Variants in FGF14 observed in about 807,000 individuals in gnomAD.
FGF14 encodes fibroblast growth factor homologous factor 4.
Under a neutral mutation model 25.5 loss-of-function variants are expected in FGF14, and 5 were observed. The observed-to-expected ratio is 0.20, with a 90% CI of 0.10 to 0.41. FGF14 has a LOEUF of 0.41. FGF14 is among the 10% of genes least tolerant of loss of function. FGF14 has a pLI of 1.00. For missense variants in FGF14, 222 were observed against 320.1 expected, an observed-to-expected ratio of 0.69 and a Z score of 2.34; for synonymous variants, 138 against 118.3, an observed-to-expected ratio of 1.17 and a Z score of -1.08.
At chr13:102,031,711 C>A (rs1480516082) in intron 1 of FGF14, among the ~76,000 whole-genome samples, 1 of 150,820 alleles carries the variant, frequency 6.6e-6, no homozygotes. Context: ...TCATTTTGGA[C>A]CTTTGAAGAG....
chr13:101,930,281 C>T (rs1211771751), intron 1 of FGF14, among the ~76,000 whole-genome samples: 1 of 152,074 alleles, frequency 6.6e-6, no homozygotes, highest in African/African-American at 2.4e-5. Context: ...TTCAGTATAG[C>T]TTTTTAGAGA....
At chr13:102,125,096 A>G (rs1478066840) in intron 1 of FGF14, among the ~76,000 whole-genome samples, 1 of 152,108 alleles carries the variant, frequency 6.6e-6, no homozygotes, top group African/African-American at 2.4e-5. Flanking sequence ...AAAACTTTAA[A>G]CTGTGGATTG....
chr13:102,364,669 CT>C (rs1449994343), intron 1 of FGF14, among the ~76,000 whole-genome samples: 2 of 152,132 alleles, frequency 1.3e-5, no homozygotes, highest in Admixed American at 1.3e-4. Context: ...AGAGACAGAC[CT>C]TGATGACAAA....
intron 3 of FGF14, among the ~76,000 whole-genome samples, chr13:101,841,427 T>C (rs772804993): frequency 2.1e-4 from 32 of 151,950 alleles, no homozygotes; most frequent in Admixed American, 2.0e-3. Context: ...CAAAGAAACT[T>C]TGAGTTAGCC....
At position 101,715,328 on chromosome 13, in the gene FGF14, ATGG is replaced by A. The variant is rs1396602541; in HGVS notation, c.*7500_*7502del. 2.5e-5 allele frequency: 12 copies of A among 488,078 alleles called. No homozygotes were observed. In the East Asian group the frequency reaches 3.5e-4, roughly 14 times the overall value. The allele number at this position is 488,078 out of a possible 1,614,324, so 30.2% of individuals were successfully genotyped here. On this transcript the variant is annotated 3_prime_UTR_variant, in exon 5 of 5. Transcript: ENST00000376143. ...AAAAGCCTAGCTGGAGTGATACAGG[ATGG>A]TGACTATCTGATCGGTAAAGGGTGG...
At chr13:101,978,231 T>C (rs527840628) in intron 1 of FGF14, among the ~76,000 whole-genome samples, 1 of 152,364 alleles carries the variant, frequency 6.6e-6, no homozygotes, top group African/African-American at 2.4e-5. Context: ...AAAGCAAAAT[T>C]TCCTAGCTGT....
intron 1 of FGF14, among the ~76,000 whole-genome samples, chr13:101,973,418 A>G (rs1398919661): frequency 6.6e-6 from 1 of 152,076 alleles, no homozygotes; most frequent in Non-Finnish European, 1.5e-5. Flanking sequence ...TCCCTTTTAC[A>G]CTGGATGAAC....
intron 1 of FGF14, among the ~76,000 whole-genome samples, chr13:102,036,342 G>A (rs751455016): frequency 6.6e-6 from 1 of 152,104 alleles, no homozygotes; most frequent in South Asian, 2.1e-4. Flanking sequence ...CCTACAATGT[G>A]CTAAGCAGGA....
At chr13:102,190,196 C>T (rs1401483446) in intron 1 of FGF14, among the ~76,000 whole-genome samples, 1 of 152,172 alleles carries the variant, frequency 6.6e-6, no homozygotes, top group Non-Finnish European at 1.5e-5. Context: ...CTCATACCTC[C>T]CTGGCTTGAA....
chr13:102,236,170 C>A (rs1043970990), intron 1 of FGF14, among the ~76,000 whole-genome samples: 3 of 152,148 alleles, frequency 2.0e-5, no homozygotes, highest in Non-Finnish European at 4.4e-5. Flanking sequence ...ATGCCCTGCT[C>A]TGTCTATTCT....
intron 1 of FGF14, among the ~76,000 whole-genome samples, chr13:102,048,554 A>G (rs1190111584): frequency 1.3e-5 from 2 of 152,180 alleles, no homozygotes; most frequent in Non-Finnish European, 2.9e-5. Flanking sequence ...GACAGATCTG[A>G]AAGTCTTCCA....
At chr13:102,146,498 A>C (rs1192863894) in intron 1 of FGF14, among the ~76,000 whole-genome samples, 1 of 152,214 alleles carries the variant, frequency 6.6e-6, no homozygotes, top group Non-Finnish European at 1.5e-5. Context: ...AATACTTTTG[A>C]AGCTGCCTTT....
chr13:101,790,790 A>G (rs370883972), intron 3 of FGF14, among the ~76,000 whole-genome samples: 1 of 152,234 alleles, frequency 6.6e-6, no homozygotes. Context: ...TTTTGATGCA[A>G]CTTGATCTTG....
chr13:102,171,759 C>T (rs927367942), intron 1 of FGF14, among the ~76,000 whole-genome samples: 1 of 151,900 alleles, frequency 6.6e-6, no homozygotes. Context: ...ATTTTTAATG[C>T]CAGTATTTTT....
intron 3 of FGF14, among the ~76,000 whole-genome samples, chr13:101,766,494 A>G (rs9518523): frequency 0.41 from 62,441 of 151,960 alleles, 14,425 homozygotes; most frequent in Non-Finnish European, 0.52. Context: ...GACAGAAGGG[A>G]GCAAAACAGG....
At chr13:101,973,343 T>C (rs2037728682) in intron 1 of FGF14, among the ~76,000 whole-genome samples, 1 of 152,198 alleles carries the variant, frequency 6.6e-6, no homozygotes, top group Admixed American at 6.5e-5. Flanking sequence ...TAAAGATAAA[T>C]ATTTTATGAA....
At position 101,717,617 on chromosome 13, in the gene FGF14, T is replaced by G. The variant is rs143875764; in HGVS notation, c.*5214A>C. 3.3e-5 allele frequency: 5 copies of G among 152,164 alleles called. No homozygotes were observed. The highest frequency in any genetic ancestry group is 9.7e-5 in the African/African-American group (4 of 41,446). The allele number at this position is 152,164 out of a possible 1,614,324, so 9.4% of individuals were successfully genotyped here. On this transcript the variant is annotated 3_prime_UTR_variant, in exon 5 of 5. Transcript: ENST00000376143. The stretch of plus-strand genomic sequence containing the variant: ...ACGGCGCTTATCCTCCTATTAAGGA[T>G]CAGAAAGTTAAACTTTACGGACCAC...
chr13:102,391,280 CG>C (rs1265285051), intron 1 of FGF14, among the ~76,000 whole-genome samples: 1 of 152,142 alleles, frequency 6.6e-6, no homozygotes, highest in African/African-American at 2.4e-5. Flanking sequence ...AAAGGGCAAG[CG>C]GTCTGACAAA....
chr13:102,200,801 G>T (rs1366133379), intron 1 of FGF14, among the ~76,000 whole-genome samples: 2 of 152,024 alleles, frequency 1.3e-5, no homozygotes, highest in African/African-American at 4.8e-5. Context: ...ACTTGAAGAT[G>T]TGGGCAGATA....
Sources: allele counts gnomAD v4.1 joint callset (sites outside exome capture counted in the v4.1 genomes callset), GRCh38; gene constraint gnomAD v4.1.1; transcripts MANE v1.5; gene names NCBI Gene and HGNC (gene_info 2026-07-23, HGNC 2026-07-21).